Variants in VTI1A observed in about 807,000 individuals in gnomAD.
VTI1A encodes the protein vesicle transport through interaction with t-SNAREs 1A.
In VTI1A, 22 loss-of-function variants were observed where a neutral mutation model predicts 34.9. The observed-to-expected ratio is 0.63, with a 90% confidence interval of 0.45 to 0.90. The LOEUF (loss-of-function observed/expected upper bound fraction) is 0.90. Ranked by LOEUF, VTI1A falls within the 40% of genes least tolerant of loss-of-function variation. The probability of loss-of-function intolerance (pLI) is 0.00; values close to 1 mark genes in which losing one functional copy is unlikely to be tolerated. For missense variants in VTI1A, 268 were observed against 275.6 expected, an observed-to-expected ratio of 0.97 and a Z score of 0.20; for synonymous variants, 87 against 97.3, an observed-to-expected ratio of 0.89 and a Z score of 0.62.
At chr10:112,684,195 T>C (rs925812944) in intron 7 of VTI1A, among the ~76,000 whole-genome samples, 2 of 152,198 alleles carry the variant, frequency 1.3e-5, no homozygotes, top group African/African-American at 2.4e-5. Flanking sequence ...GTACAACATA[T>C]AAAACTTTAT....
At chr10:112,740,914 G>A (rs776054997) in intron 7 of VTI1A, among the ~76,000 whole-genome samples, 1 of 152,150 alleles carries the variant, frequency 6.6e-6, no homozygotes, top group African/African-American at 2.4e-5. Context: ...TCAAAAAGTA[G>A]AAGCAACCCA....
At chr10:112,510,646 A>G (rs1048926841) in intron 3 of VTI1A, among the ~76,000 whole-genome samples, 2 of 152,016 alleles carry the variant, frequency 1.3e-5, no homozygotes, top group African/African-American at 4.8e-5. Context: ...AAAAACCACC[A>G]CCACCACCAC....
At chr10:112,599,332 A>G (rs1468417582) in intron 5 of VTI1A, among the ~76,000 whole-genome samples, 2 of 152,196 alleles carry the variant, frequency 1.3e-5, no homozygotes, top group African/African-American at 2.4e-5. Context: ...TTGGGTAGAT[A>G]TGGTGCAGGC....
intron 5 of VTI1A, among the ~76,000 whole-genome samples, chr10:112,562,247 T>C (rs1330360110): frequency 1.3e-5 from 2 of 152,176 alleles, no homozygotes; most frequent in Non-Finnish European, 2.9e-5. Context: ...TGTTTTATTA[T>C]TTAGAAACAG....
At chr10:112,708,620 A>C (rs138886458) in intron 7 of VTI1A, among the ~76,000 whole-genome samples, 5 of 152,364 alleles carry the variant, frequency 3.3e-5, no homozygotes, top group African/African-American at 9.6e-5. Context: ...ACTAATTAGC[A>C]TTAAGCAGTA....
intron 7 of VTI1A, among the ~76,000 whole-genome samples, chr10:112,800,812 A>T (rs941808664): frequency 1.3e-5 from 2 of 152,236 alleles, no homozygotes; most frequent in South Asian, 4.1e-4. Context: ...ACACTGGTAC[A>T]TCTTCTCCTA....
At chr10:112,755,840 G>T (rs1851265632) in intron 7 of VTI1A, among the ~76,000 whole-genome samples, 1 of 152,162 alleles carries the variant, frequency 6.6e-6, no homozygotes, top group East Asian at 1.9e-4. Context: ...AGACAGGTTG[G>T]CCTAGGAGTG....
intron 7 of VTI1A, among the ~76,000 whole-genome samples, chr10:112,761,557 T>G (rs1431372555): frequency 1.3e-5 from 2 of 152,184 alleles, no homozygotes; most frequent in African/African-American, 4.8e-5. Flanking sequence ...ATGCCACATT[T>G]TCTTTTAAAA....
the VTI1A span, among the ~76,000 whole-genome samples, chr10:112,848,604 G>A: frequency 6.6e-6 from 1 of 152,208 alleles, no homozygotes; most frequent in Non-Finnish European, 1.5e-5. Context: ...TACGTTTTCT[G>A]TGGATAAGGT....
intron 7 of VTI1A, among the ~76,000 whole-genome samples, chr10:112,726,757 G>A (rs1158270678): frequency 6.6e-6 from 1 of 152,148 alleles, no homozygotes. Context: ...GTATCTTGGA[G>A]TTTCATTTGT....
At chr10:112,808,657 A>G (rs1853175469) in intron 7 of VTI1A, among the ~76,000 whole-genome samples, 1 of 151,866 alleles carries the variant, frequency 6.6e-6, no homozygotes, top group Admixed American at 6.6e-5. Context: ...AAGCGAGAGA[A>G]TCCCCAACCA....
chr10:112,615,510 G>A (rs1296412328), intron 5 of VTI1A, among the ~76,000 whole-genome samples: 1 of 152,118 alleles, frequency 6.6e-6, no homozygotes, highest in Non-Finnish European at 1.5e-5. Flanking sequence ...CACTTGTTAG[G>A]TACAGGTGAG....
chr10:112,656,758 T>C (rs1446261201), intron 5 of VTI1A, among the ~76,000 whole-genome samples: 1 of 152,120 alleles, frequency 6.6e-6, no homozygotes, highest in Non-Finnish European at 1.5e-5. Context: ...CTGCGGGATA[T>C]TTCTTAAAAC....
At chr10:112,510,478 A>G (rs1849568610) in intron 3 of VTI1A, among the ~76,000 whole-genome samples, 1 of 152,160 alleles carries the variant, frequency 6.6e-6, no homozygotes, top group Admixed American at 6.5e-5. Flanking sequence ...TAAAAAAATA[A>G]TTAAAAAGTT....
At chr10:112,732,551 C>A (rs1187793260) in intron 7 of VTI1A, among the ~76,000 whole-genome samples, 2 of 151,360 alleles carry the variant, frequency 1.3e-5, no homozygotes, top group Non-Finnish European at 2.9e-5. Context: ...CCGGTCGTTT[C>A]TTTGCAATGT....
At chr10:112,811,712 A>T (rs575991) in intron 7 of VTI1A, among the ~76,000 whole-genome samples, 2,291 of 83,888 alleles carry the variant, frequency 0.027, 491 homozygotes, top group African/African-American at 0.081. Flanking sequence ...AAAAAAAAAA[A>T]GAGTGCAGTC....
At chr10:112,524,020 A>G (rs1206793797) in intron 3 of VTI1A, among the ~76,000 whole-genome samples, 2 of 152,098 alleles carry the variant, frequency 1.3e-5, no homozygotes, top group African/African-American at 4.8e-5. Flanking sequence ...GTACTTATTA[A>G]TGTAGCATGG....
At chr10:112,642,395 C>T (rs1042106882) in intron 5 of VTI1A, among the ~76,000 whole-genome samples, 3 of 152,162 alleles carry the variant, frequency 2.0e-5, no homozygotes, top group African/African-American at 7.2e-5. Context: ...TATCAGCCAA[C>T]CCAAGCACAG....
the VTI1A span, among the ~76,000 whole-genome samples, chr10:112,855,251 C>T: frequency 6.6e-6 from 1 of 152,172 alleles, no homozygotes; most frequent in Non-Finnish European, 1.5e-5. Context: ...AGATTAGTGG[C>T]TTCCCCTCAC....
Sources: allele counts gnomAD v4.1 joint callset (sites outside exome capture counted in the v4.1 genomes callset), GRCh38; gene constraint gnomAD v4.1.1; transcripts MANE v1.5; gene names NCBI Gene and HGNC (gene_info 2026-07-23, HGNC 2026-07-21).